The following GRIK3 variants were observed in gnomAD, a reference collection of about 807,000 sequenced individuals.
GRIK3 encodes glutamate receptor ionotropic, kainate 3.
In GRIK3, 29 loss-of-function variants were observed where a neutral mutation model predicts 102.5. The ratio of observed to expected loss-of-function variants is 0.28; its 90% CI spans 0.21 to 0.39. The LOEUF is 0.39. Ranked by LOEUF, GRIK3 falls within the 10% of genes least tolerant of loss-of-function variation. The probability of loss-of-function intolerance (pLI) is 1.00; values close to 1 mark genes in which losing one functional copy is unlikely to be tolerated. For missense variants in GRIK3, 908 were observed against 1,252.4 expected (o/e 0.73, Z 4.15); for synonymous variants, 511 against 504.9 (o/e 1.01, Z -0.16).
At chr1:36,959,496 G>A (rs1430662633) in intron 1 of GRIK3, among the ~76,000 whole-genome samples, 2 of 128,654 alleles carry the variant, frequency 1.6e-5, no homozygotes, top group African/African-American at 5.4e-5. Context: ...CTGTGAGCCT[G>A]TGTGCCCTGT....
At chr1:37,028,076 G>C (rs926521206) in intron 1 of GRIK3, among the ~76,000 whole-genome samples, 2 of 152,166 alleles carry the variant, frequency 1.3e-5, no homozygotes, top group African/African-American at 4.8e-5. Flanking sequence ...AGCCTTGAAG[G>C]GATGTTGGCA....
intron 1 of GRIK3, among the ~76,000 whole-genome samples, chr1:36,930,455 C>T (rs1289520044): frequency 3.9e-5 from 6 of 152,208 alleles, no homozygotes; most frequent in Admixed American, 3.9e-4. Flanking sequence ...CTGGAAACCA[C>T]CCAGCCCAAA....
chr1:36,910,388 T>C (rs1398321284), intron 1 of GRIK3, among the ~76,000 whole-genome samples: 1 of 152,268 alleles, frequency 6.6e-6, no homozygotes, highest in Non-Finnish European at 1.5e-5. Context: ...CCCGCCTCCC[T>C]GTCTGTTCTG....
chr1:36,825,859 T>C (rs764134828), intron 10 of GRIK3, 33 bp from the exon 11 acceptor site: 18 of 1,477,210 alleles, frequency 1.2e-5, no homozygotes, highest in Middle Eastern at 1.8e-4. Flanking sequence ...AGACAGACTA[T>C]GAGCAAAGTC....
intron 1 of GRIK3, among the ~76,000 whole-genome samples, chr1:36,935,696 T>C (rs1306940934): frequency 3.3e-5 from 5 of 152,206 alleles, no homozygotes; most frequent in African/African-American, 1.2e-4. Context: ...TCCAAATATA[T>C]GCTAATGAAG....
intron 1 of GRIK3, among the ~76,000 whole-genome samples, chr1:37,000,039 TTTTAC>T (rs1240947313): frequency 6.6e-6 from 1 of 152,202 alleles, no homozygotes; most frequent in Non-Finnish European, 1.5e-5. Flanking sequence ...ACACTCCACA[TTTTAC>T]TTTAATTATC....
intron 1 of GRIK3, among the ~76,000 whole-genome samples, chr1:36,953,736 G>T (rs1641871988): frequency 6.6e-6 from 1 of 151,938 alleles, no homozygotes; most frequent in Admixed American, 6.6e-5. Flanking sequence ...GGGGCTGAGT[G>T]CCTTTGAGAT....
chr1:36,886,734 C>T (rs181433636), intron 2 of GRIK3, among the ~76,000 whole-genome samples: 6 of 152,298 alleles, frequency 3.9e-5, no homozygotes, highest in Admixed American at 6.5e-5. Context: ...TTCATTCATA[C>T]GTCATGCACT....
chr1:37,001,583 T>C (rs1642476995), intron 1 of GRIK3, among the ~76,000 whole-genome samples: 1 of 151,862 alleles, frequency 6.6e-6, no homozygotes, highest in Non-Finnish European at 1.5e-5. Flanking sequence ...TGCTCATTTG[T>C]GGGAATAGAC....
At chr1:37,010,993 C>G (rs1303549598) in intron 1 of GRIK3, among the ~76,000 whole-genome samples, 1 of 151,980 alleles carries the variant, frequency 6.6e-6, no homozygotes, top group Non-Finnish European at 1.5e-5. Flanking sequence ...CACCCGCCTC[C>G]GCCTCCCAAA....
At chr1:37,010,759 G>C (rs1642586805) in intron 1 of GRIK3, among the ~76,000 whole-genome samples, 2 of 135,760 alleles carry the variant, frequency 1.5e-5, no homozygotes, top group Non-Finnish European at 3.1e-5. Flanking sequence ...TTTTGAGATG[G>C]AGTCTCGCTC....
At chr1:36,879,565 G>A (rs1236125958) in intron 3 of GRIK3, among the ~76,000 whole-genome samples, 1 of 152,206 alleles carries the variant, frequency 6.6e-6, no homozygotes, top group Non-Finnish European at 1.5e-5. Context: ...TGCTGGGTTT[G>A]TTGGTGGTTA....
intron 1 of GRIK3, among the ~76,000 whole-genome samples, chr1:36,981,422 G>C (rs1459479259): frequency 6.6e-6 from 1 of 152,198 alleles, no homozygotes; most frequent in East Asian, 1.9e-4. Context: ...GGTCAGGGAT[G>C]ATGGAGGGAC....
intron 1 of GRIK3, among the ~76,000 whole-genome samples, chr1:37,011,061 C>T (rs575679593): frequency 3.9e-5 from 6 of 152,262 alleles, no homozygotes; most frequent in Admixed American, 6.5e-5. Flanking sequence ...ACTTTTGTCC[C>T]GCCAGTCCAA....
At chr1:36,862,668 C>T (rs187769949) in intron 5 of GRIK3, among the ~76,000 whole-genome samples, 16 of 152,186 alleles carry the variant, frequency 1.1e-4, no homozygotes, top group Non-Finnish European at 1.8e-4. Flanking sequence ...TCCTCCAGGG[C>T]GGCTCCCTGA....
intron 1 of GRIK3, among the ~76,000 whole-genome samples, chr1:36,995,704 T>A (rs1014622140): frequency 3.3e-5 from 5 of 152,202 alleles, no homozygotes; most frequent in African/African-American, 9.6e-5. Flanking sequence ...CCTGGGTTGG[T>A]GTGCAGCCAC....
At position 36,881,869 on chromosome 1, in the gene GRIK3, T is replaced by G. The variant is rs1332815106; in HGVS notation, c.293-978A>C. Among the ~76,000 whole-genome samples the G allele has an allele frequency of 2.0e-5, 3 of 152,090 alleles. No homozygotes were observed. In the East Asian group the frequency reaches 5.8e-4, roughly 29 times the overall value. ...ACTTCGTCTCCCATCCTTCTTTCCC[T>G]CCCTCAAAGCATTCAAGCTCCTCTG... On this transcript the variant is annotated intron_variant, in intron 2 of 15. Transcript: ENST00000373091.
At chr1:36,968,854 C>CTCTACTGTTGTTTGACAA (rs1414477458) in intron 1 of GRIK3, among the ~76,000 whole-genome samples, 3 of 152,192 alleles carry the variant, frequency 2.0e-5, no homozygotes, top group Admixed American at 2.0e-4. Context: ...GGGAAGCACT[C>CTCTACTGTTGTTTGACAA]TCTACTGTTG....
rs1222984499 is a variant in GRIK3 at position 36,957,617 on chromosome 1, T to C, written c.116-66521A>G. Among the ~76,000 whole-genome samples, 10 of 135,638 alleles carry C rather than the reference T, an allele frequency of 7.4e-5. No homozygotes were observed. In the East Asian group the frequency reaches 2.5e-3, roughly 34 times the overall value. 89.0% of individuals were successfully genotyped at this position (135,638 alleles called of 152,430 possible). A position where few individuals can be genotyped will look rare whatever the true frequency, so the allele number is the denominator to read the frequency against. ...GTGCCCCGTGAGCCTGTGTGCCCTGTGACTGTGCCCCGTAAGCCTGTGCCC... is the reference window on the plus strand; with the variant it reads ...GTGCCCCGTGAGCCTGTGTGCCCTGCGACTGTGCCCCGTAAGCCTGTGCCC... On this transcript the variant is annotated intron_variant, in intron 1 of 15. Transcript: ENST00000373091.
Sources: allele counts gnomAD v4.1 joint callset (sites outside exome capture counted in the v4.1 genomes callset), GRCh38; gene constraint gnomAD v4.1.1; transcripts MANE v1.5; gene names NCBI Gene and HGNC (gene_info 2026-07-23, HGNC 2026-07-21).